The following NPFFR2 variants were observed in gnomAD, a reference collection of about 807,000 sequenced individuals.
The protein encoded by NPFFR2 is G-protein coupled receptor 74.
In NPFFR2, 15 loss-of-function variants were observed where a neutral mutation model predicts 13.1. That is an observed-to-expected ratio of 1.15 (90% confidence interval 0.77 to 1.76). The LOEUF (loss-of-function observed/expected upper bound fraction) is 1.76. NPFFR2 is among the 40% of genes most tolerant of loss of function. The probability of loss-of-function intolerance (pLI) is 0.00; values close to 1 mark genes in which losing one functional copy is unlikely to be tolerated. For missense variants in NPFFR2, 572 were observed against 503.5 expected (o/e 1.14, Z -1.30); for synonymous variants, 190 against 175.7 (o/e 1.08, Z -0.65).
chr4:72,097,252 T>G (rs1721100556), intron 1 of NPFFR2, among the ~76,000 whole-genome samples: 1 of 152,104 alleles, frequency 6.6e-6, no homozygotes, highest in African/African-American at 2.4e-5. Flanking sequence ...GTGGCTATAA[T>G]ATATTATTGT....
chr4:72,070,561 G>GTGTGTGTGT (rs368654718), intron 1 of NPFFR2, among the ~76,000 whole-genome samples: 10,193 of 131,534 alleles, frequency 0.077, 796 homozygotes, highest in African/African-American at 0.11. Flanking sequence ...GTGTGTGTGT[G>GTGTGTGTGT]GGGGGGGGGG....
chr4:72,075,782 G>T (rs937598925), intron 1 of NPFFR2, among the ~76,000 whole-genome samples: 2 of 152,042 alleles, frequency 1.3e-5, no homozygotes, highest in African/African-American at 2.4e-5. Flanking sequence ...AAGGAATGGG[G>T]AGTAATTGTT....
intron 3 of NPFFR2, among the ~76,000 whole-genome samples, chr4:72,141,944 T>C (rs1319339484): frequency 6.6e-6 from 1 of 152,208 alleles, no homozygotes; most frequent in African/African-American, 2.4e-5. Flanking sequence ...TGGGTGCTCC[T>C]GTATTGGGTG....
At chr4:72,054,938 G>C (rs1312492608) in intron 1 of NPFFR2, among the ~76,000 whole-genome samples, 1 of 151,626 alleles carries the variant, frequency 6.6e-6, no homozygotes, top group African/African-American at 2.4e-5. Flanking sequence ...TCATCCCCAA[G>C]GTAGCAAAAA....
chr4:72,128,285 G>T (rs781241785), intron 1 of NPFFR2, among the ~76,000 whole-genome samples: 1 of 152,150 alleles, frequency 6.6e-6, no homozygotes, highest in East Asian at 1.9e-4. Context: ...GTTTTGGAAG[G>T]CAAGGGAAAT....
chr4:72,091,908 C>G (rs931996603), intron 1 of NPFFR2, among the ~76,000 whole-genome samples: 4 of 151,832 alleles, frequency 2.6e-5, no homozygotes, highest in Non-Finnish European at 5.9e-5. Flanking sequence ...GTTTCTCTAG[C>G]TCCTTGAGGT....
At chr4:72,042,362 G>A (rs1370281611) in intron 1 of NPFFR2, among the ~76,000 whole-genome samples, 6 of 152,042 alleles carry the variant, frequency 3.9e-5, no homozygotes, top group Admixed American at 1.3e-4. Context: ...TTCGTATAGC[G>A]GCGTGAGAAT....
intron 1 of NPFFR2, among the ~76,000 whole-genome samples, chr4:72,104,854 C>A (rs1454237064): frequency 6.6e-6 from 1 of 151,660 alleles, no homozygotes; most frequent in East Asian, 1.9e-4. Context: ...GAAGTATACA[C>A]TCATAGGGTA....
chr4:72,143,287 T>C (rs762875423), intron 3 of NPFFR2, among the ~76,000 whole-genome samples: 2 of 152,176 alleles, frequency 1.3e-5, no homozygotes, highest in African/African-American at 2.4e-5. Flanking sequence ...GCCTGTAAAT[T>C]GGAGACCTCA....
chr4:72,147,266 T>A lies in NPFFR2; in HGVS notation c.717T>A (p.Tyr239Ter). The A allele has an allele frequency of 6.2e-7, 1 of 1,614,154 alleles. No homozygotes were observed. Among genetic ancestry groups the A allele is most frequent in the Non-Finnish European group, 8.5e-7 (1 of 1,180,010 alleles). ...CCCTCTCCCTCATTGTCATCATGTA[T>A]GGAAGGATTGGAATTTCACTCTTCA... Reference protein sequence around the residue: ...LAPLSLIVIMYGRIGISLFRA... With the variant: ...LAPLSLIVIM Residue 239 changes from tyrosine to a stop codon, truncating the protein, a stop_gained, in exon 4 of 4, where the codon TAT becomes TAA. Coordinates refer to ENST00000308744, the MANE Select transcript of NPFFR2 (RefSeq NM_004885.3). LOFTEE classifies it low-confidence loss of function (END_TRUNC).
chr4:72,051,279 A>G (rs1391917589), intron 1 of NPFFR2, among the ~76,000 whole-genome samples: 2 of 152,098 alleles, frequency 1.3e-5, no homozygotes, highest in Non-Finnish European at 2.9e-5. Context: ...AAGAACAGAA[A>G]TTATAACAAA....
intron 1 of NPFFR2, among the ~76,000 whole-genome samples, chr4:72,037,276 T>C (rs796486137): frequency 2.6e-5 from 4 of 151,784 alleles, no homozygotes; most frequent in African/African-American, 9.7e-5. Context: ...TACATACCTG[T>C]AGTTCTAGCA....
At chr4:72,128,006 G>A (rs972936214) in intron 1 of NPFFR2, among the ~76,000 whole-genome samples, 1 of 152,080 alleles carries the variant, frequency 6.6e-6, no homozygotes, top group Non-Finnish European at 1.5e-5. Flanking sequence ...TTGAACCTGA[G>A]AGATCAAGGC....
At chr4:72,104,080 A>T (rs1000881818) in intron 1 of NPFFR2, among the ~76,000 whole-genome samples, 1 of 152,110 alleles carries the variant, frequency 6.6e-6, no homozygotes, top group Admixed American at 6.6e-5. Flanking sequence ...TGTGAAAAAC[A>T]TATGGAGGCA....
chr4:72,036,293 G>A (rs528318842), intron 1 of NPFFR2, among the ~76,000 whole-genome samples: 16 of 152,098 alleles, frequency 1.1e-4, no homozygotes, highest in Admixed American at 8.5e-4. Flanking sequence ...GGACTCCCAA[G>A]TATGTAGCAA....
In NPFFR2 at chr4:72,032,177, C is replaced by G. The variant is rs752894291; in HGVS notation, c.-31C>G. On this transcript the variant is annotated 5_prime_UTR_variant, in exon 1 of 4. Transcript: ENST00000308744. Reference sequence around the variant, plus strand: ...GGGCTTGGTGGATTCTGGTTCCTGCCGCCGACAGGGCTCGCCGGGAGAGGT... The same window carrying G: ...GGGCTTGGTGGATTCTGGTTCCTGCGGCCGACAGGGCTCGCCGGGAGAGGT... 6.2e-7 allele frequency: 1 copy of G among 1,611,276 alleles called. No individual in the cohort carries two copies. The highest frequency in any genetic ancestry group is 8.5e-7 in the Non-Finnish European group (1 of 1,178,294).
At chr4:72,118,363 C>T (rs72857420) in intron 1 of NPFFR2, among the ~76,000 whole-genome samples, 12,190 of 152,158 alleles carry the variant, frequency 0.08, 1,530 homozygotes, top group African/African-American at 0.27. Context: ...CTACAATTAT[C>T]CAATGAAAAC....
At position 72,138,059 on chromosome 4, in the gene NPFFR2, G is replaced by A. The variant is rs141870844; in HGVS notation, c.348G>A (p.Thr116=). The change falls in exon 3 of 4, where the codon ACG becomes ACA. Residue 116 remains threonine (T), a synonymous_variant. Transcript: ENST00000308744. ...TTTCAGGATGGCCATTTGGAAACAC[G>A]ATGTGCAAGATCAGTGGATTGGTCC... ...NIIAGWPFGN[T]MCKISGLVQG... is the part of the protein sequence containing the mutation. 4.1e-5 allele frequency: 66 copies of A among 1,613,032 alleles called. No individual in the cohort carries two copies. Among genetic ancestry groups the A allele is most frequent in the East Asian group, 6.7e-5 (3 of 44,864 alleles).
chr4:72,032,121 C>A lies in NPFFR2; in HGVS notation c.-87C>A. 6.2e-7 allele frequency: 1 copy of A among 1,614,048 alleles called. No individual in the cohort carries two copies. Among genetic ancestry groups the A allele is most frequent in the Non-Finnish European group, 8.5e-7 (1 of 1,179,978 alleles). The stretch of plus-strand genomic sequence containing the variant: ...GCAGACTGCGAAAAGTAGCTGGAGC[C>A]GGAGCAGGGACAGAACCTGTTGCTG... On this transcript the variant is annotated 5_prime_UTR_variant, in exon 1 of 4. Transcript: ENST00000308744.
Sources: gnomAD v4.1 joint callset for allele counts (sites outside exome capture counted in the v4.1 genomes callset) on GRCh38, gnomAD v4.1.1 for gene constraint, MANE v1.5 for transcripts, NCBI Gene and HGNC (gene_info 2026-07-23, HGNC 2026-07-21) for gene names.